The following SLC25A26 variants were observed in gnomAD, a reference collection of about 807,000 sequenced individuals.
The protein encoded by SLC25A26 is mitochondrial S-adenosylmethionine carrier protein.
A neutral mutation model predicts 37.8 loss-of-function variants in SLC25A26; 36 were observed. The ratio of observed to expected loss-of-function variants is 0.95; its 90% confidence interval spans 0.73 to 1.26. The LOEUF (loss-of-function observed/expected upper bound fraction) is 1.26, where lower values mean the gene tolerates loss of function less well. Among genes scored for constraint, SLC25A26 ranks in the 50% most tolerant of loss-of-function variants. SLC25A26 has a pLI of 0.00. For missense variants in SLC25A26, 390 were observed against 331.1 expected, an observed-to-expected ratio of 1.18 and a Z score of -1.38; for synonymous variants, 129 against 122.5, an observed-to-expected ratio of 1.05 and a Z score of -0.35.
chr3:66,274,316 A>T (rs1266183399), intron 5 of SLC25A26, among the ~76,000 whole-genome samples: 8 of 151,750 alleles, frequency 5.3e-5, no homozygotes, highest in South Asian at 2.1e-4. Context: ...AACCTAGGCA[A>T]TACCATTCAG....
upstream of SLC25A26, among the ~76,000 whole-genome samples, chr3:66,216,590 G>T (rs2071364835): frequency 1.3e-5 from 2 of 151,762 alleles, no homozygotes; most frequent in East Asian, 1.9e-4. Context: ...CCTAGTCCTG[G>T]TTGAAGATTA....
At chr3:66,286,932 G>A (rs949307554) in intron 5 of SLC25A26, among the ~76,000 whole-genome samples, 28 of 152,034 alleles carry the variant, frequency 1.8e-4, no homozygotes, top group African/African-American at 6.3e-4. Context: ...TGAAGTGCTG[G>A]GATTACAGGC....
chr3:66,305,945 C>T (rs1266545640), intron 5 of SLC25A26, among the ~76,000 whole-genome samples: 1 of 152,110 alleles, frequency 6.6e-6, no homozygotes, highest in East Asian at 1.9e-4. Context: ...CCTGTCTTTC[C>T]TCAACCTCGC....
chr3:66,259,335 T>C (rs981902034), intron 3 of SLC25A26, among the ~76,000 whole-genome samples: 5 of 152,334 alleles, frequency 3.3e-5, no homozygotes, highest in African/African-American at 9.6e-5. Context: ...ATGACTTCCA[T>C]ATCTGTATTC....
At chr3:66,375,812 G>C (rs1015080623) in intron 9 of SLC25A26, among the ~76,000 whole-genome samples, 3 of 151,908 alleles carry the variant, frequency 2.0e-5, no homozygotes, top group African/African-American at 7.3e-5. Context: ...TTAGCCTGTG[G>C]ATCAAGGAGT....
Position 66,377,831 on chromosome 3 carries a change from C to A in SLC25A26, c.*24C>A. On this transcript the variant is annotated 3_prime_UTR_variant, in exon 10 of 10. Transcript: ENST00000354883. ...GAAGCAGAGACAAGCCTCACCTCCA[C>A]TTCTGTCAAGAGAGGGGCCTGCAGT... 6.4e-7 allele frequency: 1 copy of A among 1,572,364 alleles called. No homozygotes were observed. Among genetic ancestry groups the A allele is most frequent in the Non-Finnish European group, 8.8e-7 (1 of 1,142,070 alleles).
At chr3:66,251,521 C>G (rs527745212) in intron 3 of SLC25A26, among the ~76,000 whole-genome samples, 4 of 152,318 alleles carry the variant, frequency 2.6e-5, no homozygotes, top group African/African-American at 9.6e-5. Context: ...CATGCCCCAT[C>G]TTGCCAGTGG....
chr3:66,297,490 G>A (rs2074942757), intron 5 of SLC25A26, among the ~76,000 whole-genome samples: 2 of 152,276 alleles, frequency 1.3e-5, no homozygotes, highest in Admixed American at 1.3e-4. Context: ...TATAACAGTA[G>A]CTTCCTTAGT....
At chr3:66,352,388 C>A (rs1419430224) in intron 6 of SLC25A26, among the ~76,000 whole-genome samples, 1 of 151,272 alleles carries the variant, frequency 6.6e-6, no homozygotes, top group East Asian at 1.9e-4. Context: ...GGCCACGTTG[C>A]GCTGACTGTG....
chr3:66,361,232 T>C (rs1381953699), intron 6 of SLC25A26, among the ~76,000 whole-genome samples: 2 of 152,262 alleles, frequency 1.3e-5, no homozygotes, highest in East Asian at 3.9e-4. Flanking sequence ...TTGTACCATA[T>C]ATAAAAATTA....
chr3:66,200,979 T>TA (rs2071100952), intron 1 of SLC25A26, among the ~76,000 whole-genome samples: 1 of 152,168 alleles, frequency 6.6e-6, no homozygotes, highest in South Asian at 2.1e-4. Flanking sequence ...GTTAGTCTAG[T>TA]ACCGTATAAT....
At chr3:66,180,250 C>CT (rs958915924) in intron 1 of SLC25A26, among the ~76,000 whole-genome samples, 4 of 152,140 alleles carry the variant, frequency 2.6e-5, no homozygotes, top group Admixed American at 6.5e-5. Context: ...TCCTCTGAGG[C>CT]TTTTTTAAAA....
At chr3:66,188,427 G>A (rs947769828) in intron 1 of SLC25A26, among the ~76,000 whole-genome samples, 47 of 152,232 alleles carry the variant, frequency 3.1e-4, no homozygotes, top group African/African-American at 1.1e-3. Context: ...CCTTCCTGGA[G>A]TATGCAGAGG....
intron 3 of SLC25A26, among the ~76,000 whole-genome samples, chr3:66,260,168 A>G (rs1390327807): frequency 6.6e-6 from 1 of 151,616 alleles, no homozygotes; most frequent in African/African-American, 2.4e-5. Context: ...CCTCCTCCAC[A>G]TTTCCCATAA....
chr3:66,141,084 C>T (rs1054441029), intron 1 of SLC25A26, among the ~76,000 whole-genome samples: 2 of 151,342 alleles, frequency 1.3e-5, no homozygotes, highest in Admixed American at 6.6e-5. Context: ...CAAATGAGCA[C>T]GTGTAAAACA....
chr3:66,306,988 G>A (rs1046063968), intron 5 of SLC25A26, among the ~76,000 whole-genome samples: 4 of 152,132 alleles, frequency 2.6e-5, no homozygotes, highest in Non-Finnish European at 4.4e-5. Context: ...TGCCTTTATA[G>A]TAGAATGATT....
intron 1 of SLC25A26, among the ~76,000 whole-genome samples, chr3:66,209,818 T>TAC (rs1220446390): frequency 3.2e-5 from 4 of 125,296 alleles, no homozygotes; most frequent in East Asian, 2.4e-4. Flanking sequence ...GGTGTATCTA[T>TAC]ACACACACAC....
chr3:66,190,727 C>G (rs954412709), intron 1 of SLC25A26, among the ~76,000 whole-genome samples: 6 of 152,208 alleles, frequency 3.9e-5, no homozygotes, highest in African/African-American at 1.4e-4. Context: ...CTGTGCCTGA[C>G]CAGAATTTTC....
Position 66,349,479 on chromosome 3 carries a change from C to CTT in SLC25A26, c.498+3080_498+3081dup, listed in dbSNP as rs67964339. On this transcript the variant is annotated intron_variant, in intron 6 of 9. Transcript: ENST00000354883. ...TACTATTATACCATCTTGTGCTTTG[C>CTT]TTTTTTTTTTACTTAATGTAATATT... Among the ~76,000 whole-genome samples the CTT allele has an allele frequency of 3.9e-3, 583 of 149,026 alleles. 5 individuals carry two copies. Among genetic ancestry groups the CTT allele is most frequent in the African/African-American group, 0.013 (519 of 40,558 alleles).
Sources: allele counts gnomAD v4.1 joint callset (sites outside exome capture counted in the v4.1 genomes callset), GRCh38; gene constraint gnomAD v4.1.1; transcripts MANE v1.5; gene names NCBI Gene and HGNC (gene_info 2026-07-23, HGNC 2026-07-21).